The following ASAP3 variants were observed in gnomAD, a reference collection of about 807,000 sequenced individuals.
ASAP3 encodes the protein ArfGAP with SH3 domain, ankyrin repeat and PH domain 3.
A neutral mutation model predicts 118.2 loss-of-function variants in ASAP3; 85 were observed. The observed-to-expected ratio is 0.72, with a 90% CI of 0.60 to 0.86. The LOEUF (loss-of-function observed/expected upper bound fraction) is 0.86, where lower values mean the gene tolerates loss of function less well. ASAP3 is among the 40% of genes least tolerant of loss of function. ASAP3 has a pLI of 0.00. For missense variants in ASAP3, 1,026 were observed against 1,175.0 expected, an observed-to-expected ratio of 0.87 and a Z score of 1.85; for synonymous variants, 432 against 477.4, an observed-to-expected ratio of 0.90 and a Z score of 1.24.
chr1:23,451,616 T>C, intron 4 of ASAP3, 88 bp from the exon 5 acceptor site: 1 of 1,419,692 alleles, frequency 7.0e-7, no homozygotes, highest in Non-Finnish European at 9.9e-7. Flanking sequence ...GAGGACCTGC[T>C]AGTGTGCTCC....
chr1:23,434,167 G>A (rs1376055232), intron 19 of ASAP3, 87 bp downstream of exon 19: 1 of 1,341,778 alleles, frequency 7.5e-7, no homozygotes, highest in African/African-American at 1.4e-5. Context: ...TCAGAAGCAA[G>A]CCAGGATTAG....
At chr1:23,430,898 T>G (rs997909090) in intron 24 of ASAP3, 137 bp downstream of exon 24, 29 of 849,094 alleles carry the variant, frequency 3.4e-5, no homozygotes, top group East Asian at 8.5e-5. Flanking sequence ...ACAGGGACTG[T>G]CCAAACTGTG....
rs1015845327 is a variant in ASAP3 at position 23,431,896 on chromosome 1, C to G, written c.2346G>C (p.Leu782=). The G allele has an allele frequency of 6.2e-7, 1 of 1,612,012 alleles. No homozygotes were observed. The highest frequency in any genetic ancestry group is 8.5e-7 in the Non-Finnish European group (1 of 1,179,474). The part of the protein sequence containing the change: ...ASGDRSEVSS[L]SSEAPETPES... ...CAGGGGTCTCAGGGGCCTCTGAACT[C>G]AGGCTGGAGACTTCAGAACGATCTG... The change falls in exon 23 of 25, where the codon CTG becomes CTC. Residue 782 remains leucine, a synonymous_variant. Transcript: ENST00000336689.
chr1:23,435,096 C>T (rs2148606048), intron 17 of ASAP3, among the ~76,000 whole-genome samples: 1 of 152,360 alleles, frequency 6.6e-6, no homozygotes, highest in South Asian at 2.1e-4. Context: ...GGCGCAATCA[C>T]AGCTCTCTGT....
chr1:23,434,391 G>A, intron 18 of ASAP3, 22 bp from the exon 19 acceptor site: 2 of 1,613,094 alleles, frequency 1.2e-6, no homozygotes, highest in Non-Finnish European at 1.7e-6. Context: ...AGGGTTCAGG[G>A]AGAAAGGAAG....
chr1:23,434,160 GAAGC>G, intron 19 of ASAP3, 90 bp downstream of exon 19: 1 of 1,274,426 alleles, frequency 7.8e-7, no homozygotes, highest in Non-Finnish European at 1.1e-6. Flanking sequence ...GAGGTGGTCA[GAAGC>G]AAGCCAGGAT....
At position 23,437,392 on chromosome 1, in the gene ASAP3, A is replaced by AGGCTGGCCG. The variant is rs775718403; in HGVS notation, c.1151+23_1151+31dup. On this transcript the variant is annotated intron_variant, in intron 13 of 24. Coordinates refer to ENST00000336689, the MANE Select transcript of ASAP3 (RefSeq NM_017707.4). The surrounding 1 kb of genome is among the most constrained non-coding windows in gnomAD (Gnocchi z 6.1). ...ATAGGGCCGCCGGCCCCCACCCACA[A>AGGCTGGCCG]GGCTGGCCGGGCTGGCCGAGGGGGC... 13 of 1,612,626 alleles carry AGGCTGGCCG rather than the reference A, an allele frequency of 8.1e-6. No individual in the cohort carries two copies. Among genetic ancestry groups the AGGCTGGCCG allele is most frequent in the African/African-American group, 1.3e-5 (1 of 74,906 alleles).
chr1:23,473,731 T>C (rs1490205731), intron 1 of ASAP3, among the ~76,000 whole-genome samples: 1 of 152,112 alleles, frequency 6.6e-6, no homozygotes, highest in Non-Finnish European at 1.5e-5. Context: ...AAGGAGACTT[T>C]GAGAGACAGG....
At chr1:23,448,072 G>A (rs1641102543) in intron 5 of ASAP3, among the ~76,000 whole-genome samples, 1 of 152,182 alleles carries the variant, frequency 6.6e-6, no homozygotes, top group African/African-American at 2.4e-5. Flanking sequence ...CATTTCAAAT[G>A]TTAGAAACAT....
At chr1:23,472,813 G>C (rs1013042234) in intron 1 of ASAP3, among the ~76,000 whole-genome samples, 13 of 152,162 alleles carry the variant, frequency 8.5e-5, no homozygotes, top group African/African-American at 3.1e-4. Context: ...ATGCTTGCTA[G>C]ATTTTCTATG....
chr1:23,464,593 G>C (rs112397678), intron 1 of ASAP3, among the ~76,000 whole-genome samples: 1,667 of 145,006 alleles, frequency 0.011, 10 homozygotes, highest in Non-Finnish European at 0.019. Context: ...CCAGGAGTTC[G>C]AGGTTGCAGT....
intron 1 of ASAP3, among the ~76,000 whole-genome samples, chr1:23,457,494 C>T (rs935619350): frequency 7.2e-5 from 11 of 152,142 alleles, no homozygotes; most frequent in African/African-American, 2.2e-4. Flanking sequence ...CTCCACTACT[C>T]GGGGGCTATG....
rs200487102 is a variant in ASAP3, at chr1:23,442,172, G to A, written c.671+14C>T. On this transcript the variant is annotated intron_variant, in intron 7 of 24. Coordinates refer to ENST00000336689, the MANE Select transcript of ASAP3 (RefSeq NM_017707.4). ...CTGGAAGGGTTAGTGGCAGGGACGC[G>A]GGAAGATACCTACTTGTGCTGGGCG... The A allele has an allele frequency of 1.6e-4, 253 of 1,587,352 alleles. 1 individual carries two copies. The highest frequency in any genetic ancestry group is 1.2e-3 in the Middle Eastern group (7 of 6,026).
intron 1 of ASAP3, among the ~76,000 whole-genome samples, chr1:23,457,143 A>C (rs1299955176): frequency 6.6e-6 from 1 of 152,176 alleles, no homozygotes; most frequent in Non-Finnish European, 1.5e-5. Flanking sequence ...TGAAGCCAAG[A>C]GATGGGAGGC....
chr1:23,441,179 G>C lies in ASAP3; in HGVS notation c.867C>G (p.Gly289=), dbSNP rs372594077. 14 of 1,614,092 alleles carry C rather than the reference G, an allele frequency of 8.7e-6. No homozygotes were observed. The highest frequency in any genetic ancestry group is 1.3e-5 in the African/African-American group (1 of 74,934). Residue 289 remains glycine, a synonymous_variant, in exon 10 of 25, where the codon GGC becomes GGG. Transcript: ENST00000336689. ...EHLSRKNSGC[G]YSIHQHQGNK... ...TGCCTTGGTGCTGGTGGATGCTATAGCCACATCCTGAGTTCTTCCGGCTCA... is the reference window on the plus strand; with the variant it reads ...TGCCTTGGTGCTGGTGGATGCTATACCCACATCCTGAGTTCTTCCGGCTCA...
chr1:23,466,777 T>C (rs558421467), intron 1 of ASAP3, among the ~76,000 whole-genome samples: 1 of 152,332 alleles, frequency 6.6e-6, no homozygotes, highest in East Asian at 1.9e-4. Flanking sequence ...ACAGATTACA[T>C]TTCACCATTA....
chr1:23,441,339 G>A (rs1412820577), intron 9 of ASAP3, 48 bp downstream of exon 9: 1 of 1,607,964 alleles, frequency 6.2e-7, no homozygotes, highest in African/African-American at 1.3e-5. Context: ...TCCCTCCACG[G>A]TGGGCCTTGG....
At chr1:23,441,072 G>T in intron 10 of ASAP3, 30 bp downstream of exon 10, 1 of 1,604,936 alleles carries the variant, frequency 6.2e-7, no homozygotes, top group Non-Finnish European at 8.5e-7. Context: ...TGTGACATTG[G>T]GCAAATTATG....
chr1:23,437,885 C>G lies in ASAP3; in HGVS notation c.1103-413G>C, dbSNP rs933344362. Among the ~76,000 whole-genome samples the G allele has an allele frequency of 6.6e-6, 1 of 152,126 alleles. No individual in the cohort carries two copies. Among genetic ancestry groups the G allele is most frequent in the Admixed American group, 6.5e-5 (1 of 15,272 alleles). On this transcript the variant is annotated intron_variant, in intron 12 of 24. Transcript: ENST00000336689. This position sits in a 1 kb window ranked among gnomAD's most constrained non-coding sequence, Gnocchi z 6.1. ...ATTTCCCCTTTCCCCTAGCCTGTAC[C>G]AGCTCCCAACTGTTGTGCCCAAGGC...
Sources: gnomAD v4.1 joint callset for allele counts (sites outside exome capture counted in the v4.1 genomes callset) on GRCh38, gnomAD v4.1.1 for gene constraint, Gnocchi (gnomAD v3.1) non-coding constraint, MANE v1.5 for transcripts, NCBI Gene and HGNC (gene_info 2026-07-23, HGNC 2026-07-21) for gene names.